The following MAF variants were observed in gnomAD, a reference collection of about 807,000 sequenced individuals.
MAF encodes MAF bZIP transcription factor.
In MAF, 10 loss-of-function variants were observed where a neutral mutation model predicts 22.0. The ratio of observed to expected loss-of-function variants is 0.45; its 90% CI spans 0.28 to 0.77. The LOEUF is 0.77. MAF is among the 30% of genes least tolerant of loss of function. MAF has a pLI of 0.12. For synonymous variants in MAF, 337 were observed against 255.8 expected, an observed-to-expected ratio of 1.32 and a Z score of -3.03; for missense variants, 544 against 548.4, an observed-to-expected ratio of 0.99 and a Z score of 0.08.
chr16:79,383,638 G>A, the MAF span, among the ~76,000 whole-genome samples: 1 of 152,278 alleles, frequency 6.6e-6, no homozygotes, highest in South Asian at 2.1e-4. Flanking sequence ...ATTCAAGGAG[G>A]TTTTGTGAAT....
the MAF span, among the ~76,000 whole-genome samples, chr16:79,475,733 T>C: frequency 6.6e-6 from 1 of 152,142 alleles, no homozygotes; most frequent in African/African-American, 2.4e-5. Flanking sequence ...TAAAAATGAA[T>C]AAGGATTAAG....
the MAF span, among the ~76,000 whole-genome samples, chr16:79,368,474 A>C: frequency 6.6e-6 from 1 of 152,142 alleles, no homozygotes; most frequent in Non-Finnish European, 1.5e-5. Context: ...TTAGTATATG[A>C]CTATGAGAAA....
the MAF span, chr16:79,212,283 G>GAGCCAGCTTAGC: frequency 8.6e-7 from 1 of 1,165,740 alleles, no homozygotes; most frequent in Non-Finnish European, 1.2e-6. Context: ...GACCAAGACT[G>GAGCCAGCTTAGC]AGCCAGCTTA....
chr16:79,517,488 A>G, the MAF span, among the ~76,000 whole-genome samples: 1 of 152,094 alleles, frequency 6.6e-6, no homozygotes, highest in Middle Eastern at 3.4e-3. Flanking sequence ...ATAAGTGATC[A>G]TTCCAGTCTT....
chr16:79,339,922 T>A, the MAF span, among the ~76,000 whole-genome samples: 4 of 152,200 alleles, frequency 2.6e-5, no homozygotes, highest in Non-Finnish European at 1.5e-5. Context: ...CTAACTGCCA[T>A]TATTTAGCAA....
the MAF span, among the ~76,000 whole-genome samples, chr16:79,361,554 C>T: frequency 6.6e-6 from 1 of 152,160 alleles, no homozygotes; most frequent in Non-Finnish European, 1.5e-5. Flanking sequence ...TAGCCGGCTG[C>T]CTGGGAACAT....
At chr16:79,492,455 C>T in the MAF span, among the ~76,000 whole-genome samples, 3 of 150,656 alleles carry the variant, frequency 2.0e-5, no homozygotes, top group African/African-American at 4.8e-5. Context: ...ACCCTTACCC[C>T]AGCCCATTTG....
the MAF span, among the ~76,000 whole-genome samples, chr16:79,354,047 G>A: frequency 3.7e-4 from 57 of 152,100 alleles, no homozygotes; most frequent in Middle Eastern, 3.4e-3. Flanking sequence ...CCAGGCTGGA[G>A]TGCAGTGGTG....
chr16:79,451,175 C>T, the MAF span, among the ~76,000 whole-genome samples: 5 of 152,204 alleles, frequency 3.3e-5, no homozygotes, highest in East Asian at 7.7e-4. Flanking sequence ...TTGCAGGGCC[C>T]GTCCAGTTAA....
At chr16:79,485,517 G>A in the MAF span, among the ~76,000 whole-genome samples, 1 of 152,158 alleles carries the variant, frequency 6.6e-6, no homozygotes, top group Non-Finnish European at 1.5e-5. Flanking sequence ...TCTGAGCCCA[G>A]CACATAACAA....
chr16:79,448,747 T>C, the MAF span, among the ~76,000 whole-genome samples: 1 of 149,416 alleles, frequency 6.7e-6, no homozygotes, highest in South Asian at 2.2e-4. Flanking sequence ...AATTAAGTTA[T>C]ATACATTTAA....
chr16:79,476,626 G>A, the MAF span, among the ~76,000 whole-genome samples: 28,122 of 152,044 alleles, frequency 0.18, 2,996 homozygotes, highest in East Asian at 0.44. Context: ...AGGGAAAGGA[G>A]GATTCACTCC....
At chr16:79,561,231 G>A in the MAF span, among the ~76,000 whole-genome samples, 73 of 150,902 alleles carry the variant, frequency 4.8e-4, 1 homozygote, top group African/African-American at 1.7e-3. Context: ...GCCTATTGCT[G>A]GTGTATTTTA....
chr16:79,383,765 T>C, the MAF span, among the ~76,000 whole-genome samples: 5 of 152,180 alleles, frequency 3.3e-5, no homozygotes, highest in African/African-American at 1.2e-4. Flanking sequence ...GACTTACAGA[T>C]GTGCTCATTA....
chr16:79,473,641 T>C, the MAF span, among the ~76,000 whole-genome samples: 3 of 152,242 alleles, frequency 2.0e-5, no homozygotes. Flanking sequence ...GAGCAGGCTG[T>C]GGAAAGGGCA....
At chr16:79,577,627 G>C in the MAF span, among the ~76,000 whole-genome samples, 1 of 152,156 alleles carries the variant, frequency 6.6e-6, no homozygotes. Flanking sequence ...CTCCACGGAA[G>C]TTGTCTCTAA....
At chr16:79,363,041 T>G in the MAF span, among the ~76,000 whole-genome samples, 1 of 152,178 alleles carries the variant, frequency 6.6e-6, no homozygotes, top group Admixed American at 6.5e-5. Flanking sequence ...CTGCCCTCAC[T>G]TCTTTCTTTA....
the MAF span, among the ~76,000 whole-genome samples, chr16:79,408,257 A>G: frequency 6.6e-6 from 1 of 151,962 alleles, no homozygotes; most frequent in African/African-American, 2.4e-5. Context: ...GCTTGCTGCA[A>G]CTGCCACCTC....
At chr16:79,412,550 G>A in the MAF span, among the ~76,000 whole-genome samples, 2 of 152,240 alleles carry the variant, frequency 1.3e-5, no homozygotes, top group Non-Finnish European at 2.9e-5. Flanking sequence ...TGTATTGCAG[G>A]ATATTGAATA....
Sources: allele counts gnomAD v4.1 joint callset (sites outside exome capture counted in the v4.1 genomes callset), GRCh38; gene constraint gnomAD v4.1.1; transcripts MANE v1.5; gene names NCBI Gene and HGNC (gene_info 2026-07-23, HGNC 2026-07-21).